Variants in BCAR3 observed in about 807,000 individuals in gnomAD.
The protein encoded by BCAR3 is breast cancer anti-estrogen resistance protein 3.
Under a neutral mutation model 80.1 loss-of-function variants are expected in BCAR3, and 37 were observed. The ratio of observed to expected loss-of-function variants is 0.46; its 90% CI spans 0.36 to 0.61. BCAR3 has a LOEUF of 0.61. Among genes scored for constraint, BCAR3 ranks in the 20% least tolerant of loss-of-function variants. The probability of loss-of-function intolerance (pLI) is 0.00; values close to 1 mark genes in which losing one functional copy is unlikely to be tolerated. For synonymous variants in BCAR3, 389 were observed against 418.9 expected (o/e 0.93, Z 0.87); for missense variants, 978 against 1,068.2 (o/e 0.92, Z 1.18).
intron 2 of BCAR3, among the ~76,000 whole-genome samples, chr1:93,845,375 C>T (rs960418885): frequency 1.3e-5 from 2 of 150,576 alleles, no homozygotes; most frequent in Admixed American, 1.3e-4. Context: ...AAACCATATT[C>T]CATTTTAAAG....
intron 2 of BCAR3, among the ~76,000 whole-genome samples, chr1:93,831,790 C>T (rs751408010): frequency 6.6e-6 from 1 of 152,154 alleles, no homozygotes; most frequent in Non-Finnish European, 1.5e-5. Flanking sequence ...CCCCTCCTCA[C>T]ATCCTGTCCG....
chr1:93,726,167 C>T (rs990955780), intron 2 of BCAR3, among the ~76,000 whole-genome samples: 11 of 152,182 alleles, frequency 7.2e-5, no homozygotes, highest in Admixed American at 4.6e-4. Context: ...TAGGCTCCAG[C>T]GGTTCTCCCA....
At chr1:93,726,396 C>G (rs1423154082) in intron 2 of BCAR3, among the ~76,000 whole-genome samples, 2 of 152,130 alleles carry the variant, frequency 1.3e-5, no homozygotes, top group Non-Finnish European at 2.9e-5. Flanking sequence ...TAATACTTTA[C>G]AGCCCACCTA....
At chr1:93,847,021 C>CA in intron 1 of BCAR3, 1 of 136,380 alleles carries the variant, frequency 7.3e-6, no homozygotes, top group Non-Finnish European at 1.4e-5. Context: ...TCGGGCGCGG[C>CA]GGCCGGGCGC....
intron 2 of BCAR3, among the ~76,000 whole-genome samples, chr1:93,805,579 T>C (rs1653629524): frequency 0.022 from 1 of 46 alleles, no homozygotes; most frequent in Non-Finnish European, 0.045. Context: ...TCTGCATTCC[T>C]GCCTTTAGGA....
intron 3 of BCAR3, among the ~76,000 whole-genome samples, chr1:93,622,132 C>T (rs1675333570): frequency 6.6e-6 from 1 of 152,192 alleles, no homozygotes; most frequent in Non-Finnish European, 1.5e-5. Context: ...AATTCCTGAC[C>T]TTGTGACTCA....
chr1:93,718,152 T>C (rs1486367943), intron 2 of BCAR3, among the ~76,000 whole-genome samples: 1 of 152,196 alleles, frequency 6.6e-6, no homozygotes, highest in African/African-American at 2.4e-5. Context: ...GTAGCAGATG[T>C]TGAATTCCAA....
chr1:93,790,011 G>A (rs1403158236), intron 2 of BCAR3, among the ~76,000 whole-genome samples: 1 of 152,150 alleles, frequency 6.6e-6, no homozygotes, highest in Middle Eastern at 3.2e-3. Context: ...GTCAGAAGTA[G>A]AGGAGGGAGT....
At chr1:93,679,680 CTT>C (rs1648663424) in intron 1 of BCAR3, among the ~76,000 whole-genome samples, 3 of 152,338 alleles carry the variant, frequency 2.0e-5, no homozygotes, top group East Asian at 1.9e-4. Context: ...GGCTGACAAA[CTT>C]TACCACATGT....
At chr1:93,571,958 G>C in intron 8 of BCAR3, 117 bp from the exon 9 acceptor site, 1 of 1,236,972 alleles carries the variant, frequency 8.1e-7, no homozygotes, top group African/African-American at 1.5e-5. Context: ...GCTCTAAAAT[G>C]TGCCGGCAGC....
chr1:93,597,592 A>G (rs1674466515), intron 3 of BCAR3, among the ~76,000 whole-genome samples: 3 of 152,256 alleles, frequency 2.0e-5, no homozygotes, highest in African/African-American at 4.8e-5. Context: ...AGGTGTTAAT[A>G]AGGATTAAAT....
intron 2 of BCAR3, among the ~76,000 whole-genome samples, chr1:93,666,760 T>C (rs146707439): frequency 8.7e-4 from 133 of 152,330 alleles, no homozygotes; most frequent in East Asian, 2.7e-3. Context: ...GATATTTTAG[T>C]GCACTGCGTA....
chr1:93,589,539 T>C, intron 4 of BCAR3, 120 bp from the exon 5 acceptor site: 1 of 864,754 alleles, frequency 1.2e-6, no homozygotes, highest in South Asian at 1.8e-5. Flanking sequence ...TCTTCTTGGG[T>C]CAGCTCTTTA....
At chr1:93,677,437 C>G (rs1307466299) in intron 1 of BCAR3, among the ~76,000 whole-genome samples, 3 of 152,036 alleles carry the variant, frequency 2.0e-5, no homozygotes, top group Admixed American at 2.0e-4. Context: ...ACTGGAAGTG[C>G]TAGGGAAGAT....
chr1:93,673,010 T>G (rs1648290762), intron 2 of BCAR3, among the ~76,000 whole-genome samples: 2 of 152,198 alleles, frequency 1.3e-5, no homozygotes, highest in South Asian at 4.1e-4. Context: ...CCATCTCCAG[T>G]TCTCTGCACT....
intron 2 of BCAR3, among the ~76,000 whole-genome samples, chr1:93,761,263 T>C (rs1341765657): frequency 6.6e-6 from 1 of 152,178 alleles, no homozygotes; most frequent in East Asian, 1.9e-4. Flanking sequence ...CTATTTCTGC[T>C]GACCCCAACG....
intron 3 of BCAR3, among the ~76,000 whole-genome samples, chr1:93,635,713 A>G (rs1224858540): frequency 6.6e-6 from 1 of 152,202 alleles, no homozygotes; most frequent in East Asian, 1.9e-4. Context: ...GGCTCTGCCA[A>G]TGTGCACACT....
At chr1:93,840,779 G>A (rs1256902376) in intron 2 of BCAR3, among the ~76,000 whole-genome samples, 9 of 152,168 alleles carry the variant, frequency 5.9e-5, no homozygotes, top group Non-Finnish European at 1.0e-4. Context: ...TAGAAAGCAC[G>A]GATGTTTAGC....
intron 1 of BCAR3, chr1:93,681,391 G>A (rs1648753367): frequency 6.6e-6 from 1 of 152,196 alleles, no homozygotes; most frequent in South Asian, 2.1e-4. Context: ...GAGAGCGCAA[G>A]CCCCAGCCCC....
Sources: allele counts gnomAD v4.1 joint callset (sites outside exome capture counted in the v4.1 genomes callset), GRCh38; gene constraint gnomAD v4.1.1; transcripts MANE v1.5; gene names NCBI Gene and HGNC (gene_info 2026-07-23, HGNC 2026-07-21).